DPP10: variants seen among roughly 807,000 people sequenced by gnomAD.
The protein encoded by DPP10 is inactive dipeptidyl peptidase 10.
DPP10 carries 33 observed loss-of-function variants against 120.9 expected under a neutral mutation model. The ratio of observed to expected loss-of-function variants is 0.27; its 90% CI spans 0.21 to 0.37. The LOEUF is 0.37. Among genes scored for constraint, DPP10 ranks in the 10% least tolerant of loss-of-function variants. DPP10 has a pLI of 1.00. For missense variants in DPP10, 816 were observed against 942.8 expected (o/e 0.87, Z 1.76); for synonymous variants, 337 against 326.1 (o/e 1.03, Z -0.36).
chr2:114,470,887 T>C (rs1253048561), intron 1 of DPP10, among the ~76,000 whole-genome samples: 4 of 152,226 alleles, frequency 2.6e-5, no homozygotes, highest in Non-Finnish European at 5.9e-5. Flanking sequence ...TCTCACCAAC[T>C]ATGCCCTAAG....
chr2:114,909,625 C>A (rs1694216908), intron 1 of DPP10, among the ~76,000 whole-genome samples: 1 of 151,998 alleles, frequency 6.6e-6, no homozygotes, highest in Admixed American at 6.6e-5. Flanking sequence ...AAAACTAGTG[C>A]TCTCCAAGAA....
chr2:115,668,440 C>T (rs902933203), intron 5 of DPP10, among the ~76,000 whole-genome samples: 4 of 152,108 alleles, frequency 2.6e-5, no homozygotes, highest in Admixed American at 1.3e-4. Context: ...ATGGAACAAA[C>T]CCCACCAGAT....
intron 5 of DPP10, among the ~76,000 whole-genome samples, chr2:115,608,390 AAAC>A (rs1304735551): frequency 6.8e-6 from 1 of 147,180 alleles, no homozygotes; most frequent in Non-Finnish European, 1.5e-5. Context: ...ACACCGTCTC[AAAC>A]AACAACAATA....
At chr2:114,459,707 A>C (rs1313625593) in intron 1 of DPP10, among the ~76,000 whole-genome samples, 1 of 152,250 alleles carries the variant, frequency 6.6e-6, no homozygotes, top group African/African-American at 2.4e-5. Flanking sequence ...AGGTATTGCC[A>C]CTTGAATACT....
At chr2:115,659,911 G>A (rs890426416) in intron 5 of DPP10, among the ~76,000 whole-genome samples, 1 of 151,916 alleles carries the variant, frequency 6.6e-6, no homozygotes, top group African/African-American at 2.4e-5. Context: ...TTTTTTGTAT[G>A]CCATCACTTC....
At chr2:114,546,807 T>C (rs1479551834) in intron 1 of DPP10, among the ~76,000 whole-genome samples, 4 of 152,214 alleles carry the variant, frequency 2.6e-5, no homozygotes, top group Non-Finnish European at 5.9e-5. Flanking sequence ...CATAACCTCG[T>C]TTTCTTAATT....
intron 3 of DPP10, among the ~76,000 whole-genome samples, chr2:115,463,639 A>G (rs1390135745): frequency 6.6e-6 from 1 of 152,148 alleles, no homozygotes; most frequent in East Asian, 1.9e-4. Flanking sequence ...TGTGATGAGT[A>G]TTGGGATATC....
chr2:114,868,235 C>T (rs1690395417), intron 1 of DPP10, among the ~76,000 whole-genome samples: 2 of 152,170 alleles, frequency 1.3e-5, no homozygotes, highest in African/African-American at 4.8e-5. Flanking sequence ...TTGATTAGGC[C>T]TCCTTCTCCC....
In DPP10 at chr2:114,824,354, T is replaced by C. The variant is rs190661158; in HGVS notation, c.60+381516T>C. On this transcript the variant is annotated intron_variant, in intron 1 of 25. Transcript: ENST00000410059. ...CACTGGGCTGTGTGCCTTTGAAATA[T>C]TGAGAGAAAAACTCATGATATTGAT... Among the ~76,000 whole-genome samples the C allele has an allele frequency of 5.4e-4, 83 of 152,300 alleles. No individual in the cohort carries two copies. In the Middle Eastern group the frequency reaches 0.024, roughly 44 times the overall value.
intron 1 of DPP10, among the ~76,000 whole-genome samples, chr2:115,212,624 GA>G (rs961595828): frequency 3.6e-4 from 55 of 151,620 alleles, no homozygotes; most frequent in African/African-American, 9.2e-4. Context: ...TAATTTAAAA[GA>G]AAAAAAGTAT....
chr2:115,528,055 T>C (rs894536881), intron 5 of DPP10, among the ~76,000 whole-genome samples: 1 of 152,152 alleles, frequency 6.6e-6, no homozygotes, highest in Non-Finnish European at 1.5e-5. Flanking sequence ...TATAGCAGCA[T>C]TATTTGTATT....
intron 1 of DPP10, among the ~76,000 whole-genome samples, chr2:115,267,281 A>AATTT (rs2059501077): frequency 6.6e-6 from 1 of 152,134 alleles, no homozygotes; most frequent in Non-Finnish European, 1.5e-5. Flanking sequence ...CTGTGGGGAG[A>AATTT]ATTTAGCTTA....
At chr2:115,786,537 G>A (rs1390478490) in intron 17 of DPP10, among the ~76,000 whole-genome samples, 1 of 151,920 alleles carries the variant, frequency 6.6e-6, no homozygotes, top group East Asian at 1.9e-4. Context: ...AAAGAAAACT[G>A]GACAAAATAT....
At chr2:114,609,370 C>T (rs974067713) in intron 1 of DPP10, among the ~76,000 whole-genome samples, 12 of 152,056 alleles carry the variant, frequency 7.9e-5, no homozygotes, top group African/African-American at 2.2e-4. Context: ...GAACTGCTTC[C>T]GTGACAGTCA....
intron 1 of DPP10, among the ~76,000 whole-genome samples, chr2:114,965,978 A>AAAAAAAAAAG (rs1698997610): frequency 6.7e-6 from 1 of 148,876 alleles, no homozygotes; most frequent in African/African-American, 2.5e-5. Context: ...AAAAAAAAAA[A>AAAAAAAAAAG]AAAAAAAAAG....
intron 3 of DPP10, among the ~76,000 whole-genome samples, chr2:115,363,775 A>G (rs1378896934): frequency 6.6e-6 from 1 of 152,182 alleles, no homozygotes; most frequent in Non-Finnish European, 1.5e-5. Flanking sequence ...GGGCAAGTCA[A>G]CCAGTATTTC....
At chr2:115,116,284 A>G (rs985730087) in intron 1 of DPP10, among the ~76,000 whole-genome samples, 9 of 152,174 alleles carry the variant, frequency 5.9e-5, no homozygotes, top group Non-Finnish European at 1.2e-4. Flanking sequence ...CTTCTACATA[A>G]CAAGTTACTA....
In DPP10 at chr2:115,598,673, A is replaced by G. The variant is rs183597091; in HGVS notation, c.441+72701A>G. Among the ~76,000 whole-genome samples, 738 of 152,042 alleles carry G rather than the reference A, an allele frequency of 4.9e-3. 4 individuals carry two copies. Among genetic ancestry groups the G allele is most frequent in the Non-Finnish European group, 8.1e-3 (550 of 67,870 alleles). Reference sequence around the variant, plus strand: ...TTATAATATTTGCTTTAAAGGGTAAATTATATTTTGAAGAAATTTTTAAAA... The same window carrying G: ...TTATAATATTTGCTTTAAAGGGTAAGTTATATTTTGAAGAAATTTTTAAAA... On this transcript the variant is annotated intron_variant, in intron 5 of 25. Coordinates refer to ENST00000410059, the MANE Select transcript of DPP10 (RefSeq NM_020868.6).
intron 3 of DPP10, among the ~76,000 whole-genome samples, chr2:115,382,659 T>A (rs887313601): frequency 1.3e-5 from 2 of 151,886 alleles, no homozygotes; most frequent in African/African-American, 4.8e-5. Context: ...GAAGGAGAGG[T>A]ATGAGGTAAA....
Sources: gnomAD v4.1 joint callset for allele counts (sites outside exome capture counted in the v4.1 genomes callset) on GRCh38, gnomAD v4.1.1 for gene constraint, MANE v1.5 for transcripts, NCBI Gene and HGNC (gene_info 2026-07-23, HGNC 2026-07-21) for gene names.